Variants in POLA1 observed in about 807,000 individuals in gnomAD.
POLA1 encodes the protein DNA polymerase alpha 1, catalytic subunit, also known as DNA polymerase alpha catalytic subunit.
In POLA1, 15 loss-of-function variants were observed where a neutral mutation model predicts 124.0. The observed-to-expected ratio is 0.12, with a 90% confidence interval of 0.08 to 0.19. The LOEUF is 0.19. Among genes scored for constraint, POLA1 ranks in the 10% least tolerant of loss-of-function variants. POLA1 has a pLI of 1.00. For missense variants in POLA1, 886 were observed against 1,103.4 expected (o/e 0.80, Z 2.79); for synonymous variants, 408 against 389.4 (o/e 1.05, Z -0.56).
chrX:24,708,929 G>A (rs1416591797), intron 4 of POLA1, among the ~76,000 whole-genome samples: 15 of 47,206 alleles, frequency 3.2e-4, no homozygotes, highest in African/African-American at 1.1e-3. Flanking sequence ...TGGTGGCCGG[G>A]CAGAGGGGCT....
chrX:24,757,436 C>CTTTTTTTTTTTTTTTTTTTTTTTTTTTT lies in POLA1; in HGVS notation c.2964+8465_2964+8466insTTTTTTTTTTTTTTTTTTTTTTTTTTTT, dbSNP rs66782103. Among the ~76,000 whole-genome samples, 7 of 62,143 alleles carry CTTTTTTTTTTTTTTTTTTTTTTTTTTTT rather than the reference C, an allele frequency of 1.1e-4. 2 individuals carry two copies. Among genetic ancestry groups the CTTTTTTTTTTTTTTTTTTTTTTTTTTTT allele is most frequent in the African/African-American group, 5.7e-4 (7 of 12,203 alleles). 54.0% of individuals were successfully genotyped at this position (62,143 alleles called of 115,157 possible). On this transcript the variant is annotated intron_variant, in intron 26 of 36. Coordinates refer to ENST00000379068, the MANE Select transcript of POLA1 (RefSeq NM_001330360.2). ...ATCTGAAATGCTCCAAAATCTGAAACTTTTTTTTTTTTTTTTTTTTTGAGA... is the reference window on the plus strand; with the variant it reads ...ATCTGAAATGCTCCAAAATCTGAAACTTTTTTTTTTTTTTTTTTTTTTTTTTTTTTTTTTTTTTTTTTTTTTTTTGAGA...
chrX:24,736,542 G>C (rs1211472211), intron 18 of POLA1, among the ~76,000 whole-genome samples: 1 of 111,877 alleles, frequency 8.9e-6, no homozygotes, highest in Non-Finnish European at 1.9e-5. Flanking sequence ...ATGTAAGATG[G>C]AATTCTGACA....
intron 35 of POLA1, among the ~76,000 whole-genome samples, chrX:24,916,498 C>T (rs1018172189): frequency 2.7e-5 from 3 of 109,939 alleles, no homozygotes; most frequent in East Asian, 2.8e-4. Flanking sequence ...AGGCTGGTCT[C>T]GAACTCCTGA....
chrX:24,724,305 TC>T (rs746305875), intron 11 of POLA1, 29 bp from the exon 12 acceptor site: 245 of 714,928 alleles, frequency 3.4e-4, no homozygotes, highest in Non-Finnish European at 4.8e-4. Context: ...TACTTTTTTT[TC>T]CCCTCTGTCC....
intron 24 of POLA1, among the ~76,000 whole-genome samples, chrX:24,747,805 G>A (rs1189389200): frequency 2.0e-5 from 2 of 101,058 alleles, no homozygotes; most frequent in African/African-American, 7.4e-5. Context: ...CGAGATCTCC[G>A]CTTACTGTAA....
chrX:24,983,039 A>G (rs1400060841), intron 36 of POLA1, among the ~76,000 whole-genome samples: 6 of 112,142 alleles, frequency 5.4e-5, no homozygotes, highest in Non-Finnish European at 9.4e-5. Flanking sequence ...AGCAACTCAG[A>G]CTTCTGGGCT....
At chrX:24,780,544 T>C (rs1486341043) in intron 26 of POLA1, among the ~76,000 whole-genome samples, 1 of 112,476 alleles carries the variant, frequency 8.9e-6, no homozygotes, top group East Asian at 2.8e-4. Context: ...TCTATGTCTA[T>C]TGAAGTGATC....
rs2046046211 is a variant in POLA1, at chrX:24,819,245, T to G, written c.3430-2207T>G. ...AATTACGTTTTAAAATATTCGTACT[T>G]ATATCAGAAAAGTTTTTAAGTATTG... On this transcript the variant is annotated intron_variant, in intron 30 of 36. Coordinates refer to ENST00000379068, the MANE Select transcript of POLA1 (RefSeq NM_001330360.2). Among the ~76,000 whole-genome samples, 4 of 112,621 alleles carry G rather than the reference T, an allele frequency of 3.6e-5. No individual in the cohort carries two copies. In the South Asian group the frequency reaches 1.5e-3, roughly 41 times the overall value.
chrX:24,698,782 TA>T (rs1267787211), intron 1 of POLA1, among the ~76,000 whole-genome samples: 2 of 111,060 alleles, frequency 1.8e-5, no homozygotes, highest in Non-Finnish European at 3.8e-5. Context: ...GCCTCCCAAG[TA>T]GCTGGGGTTA....
rs1876708687 is a variant in POLA1, at chrX:24,815,192, C to A, written c.3429+81C>A. On this transcript the variant is annotated intron_variant, in intron 30 of 36. Transcript: ENST00000379068. The stretch of plus-strand genomic sequence containing the variant: ...TCAGATAGTTGAAGAACCACCTCAT[C>A]CTTGCAATTGAAATAAATTCTAGCT... 9 of 889,796 alleles carry A rather than the reference C, an allele frequency of 1.0e-5. No homozygotes were observed. In the South Asian group the frequency reaches 2.1e-4, roughly 21 times the overall value. The allele number at this position is 889,796 out of a possible 1,213,427, so 73.3% of individuals were successfully genotyped here.
intron 36 of POLA1, among the ~76,000 whole-genome samples, chrX:24,960,813 A>G (rs1214748736): frequency 4.5e-5 from 5 of 112,028 alleles, no homozygotes; most frequent in African/African-American, 1.6e-4. Context: ...CAGTGAGGAC[A>G]TTCACTAGGT....
intron 29 of POLA1, among the ~76,000 whole-genome samples, chrX:24,814,112 C>A (rs999753514): frequency 8.9e-6 from 1 of 111,912 alleles, no homozygotes; most frequent in Non-Finnish European, 1.9e-5. Flanking sequence ...TGCTTCATTG[C>A]CCCCAAGTGT....
chrX:24,714,748 G>T, intron 5 of POLA1, 79 bp downstream of exon 5: 3 of 547,215 alleles, frequency 5.5e-6, no homozygotes, highest in Non-Finnish European at 6.0e-6. Context: ...GATAACAGGT[G>T]CTCTGTATAT....
At chrX:24,995,756 C>T in intron 36 of POLA1, 49 bp from the exon 37 acceptor site, 1 of 1,098,731 alleles carries the variant, frequency 9.1e-7, no homozygotes, top group East Asian at 3.0e-5. Context: ...ACTGAATGTT[C>T]TTTAAAGAAA....
chrX:24,792,164 T>G (rs1418902644), intron 26 of POLA1, among the ~76,000 whole-genome samples: 1 of 111,604 alleles, frequency 9.0e-6, no homozygotes, highest in Non-Finnish European at 1.9e-5. Flanking sequence ...AAGACTGTGG[T>G]CATTATTCAT....
intron 36 of POLA1, among the ~76,000 whole-genome samples, chrX:24,960,625 AC>A (rs2048158513): frequency 8.9e-6 from 1 of 112,030 alleles, no homozygotes; most frequent in Non-Finnish European, 1.9e-5. Context: ...AAAAAGCTCA[AC>A]TCATAGGAGG....
intron 34 of POLA1, among the ~76,000 whole-genome samples, chrX:24,866,726 A>G (rs1006486008): frequency 7.1e-5 from 8 of 112,180 alleles, no homozygotes; most frequent in Admixed American, 6.6e-4. Context: ...TTTCAAGCAA[A>G]AGCACTTTTA....
Position 24,996,501 on chromosome X carries a change from T to C in POLA1, c.*551T>C, listed in dbSNP as rs1226751570. The C allele has an allele frequency of 8.8e-6, 1 of 113,178 alleles. No individual in the cohort carries two copies. The highest frequency in any genetic ancestry group is 3.2e-5 in the African/African-American group (1 of 30,992). 9.3% of individuals were successfully genotyped at this position (113,178 alleles called of 1,213,427 possible). A position where few individuals can be genotyped will look rare whatever the true frequency, so the allele number is the denominator to read the frequency against. On this transcript the variant is annotated 3_prime_UTR_variant, in exon 37 of 37. Transcript: ENST00000379068. Reference sequence around the variant, plus strand: ...GAAGATTTAGAAGCCTTGCACTCACTAAATAGATTAAACAGAGCAGGCTTG... The same window carrying C: ...GAAGATTTAGAAGCCTTGCACTCACCAAATAGATTAAACAGAGCAGGCTTG...
At chrX:24,897,099 A>G (rs756943241) in intron 35 of POLA1, among the ~76,000 whole-genome samples, 1 of 112,033 alleles carries the variant, frequency 8.9e-6, no homozygotes, top group African/African-American at 3.2e-5. Flanking sequence ...GTCATGTGCT[A>G]GTAAAATGTG....
Sources: gnomAD v4.1 joint callset for allele counts (sites outside exome capture counted in the v4.1 genomes callset) on GRCh38, gnomAD v4.1.1 for gene constraint, MANE v1.5 for transcripts, NCBI Gene and HGNC (gene_info 2026-07-23, HGNC 2026-07-21) for gene names.